The following FLRT1 variants were observed in gnomAD, a reference collection of about 807,000 sequenced individuals.
FLRT1 encodes fibronectin leucine rich transmembrane protein 1.
In FLRT1, 14 loss-of-function variants were observed where a neutral mutation model predicts 30.9. That is an observed-to-expected ratio of 0.45 (90% CI 0.30 to 0.71). The LOEUF (loss-of-function observed/expected upper bound fraction) is 0.71. FLRT1 is among the 30% of genes least tolerant of loss of function. The pLI is 0.08. For synonymous variants in FLRT1, 368 were observed against 430.4 expected (o/e 0.85, Z 1.80); for missense variants, 737 against 949.2 (o/e 0.78, Z 2.94).
rs1353671462 is a variant in FLRT1, at chr11:64,117,052, C to T, written c.785C>T (p.Ala262Val). ...ELSLVRNSLA[A>V]PPLNLPSAHL... ...TCGCTGGTGCGCAATTCGCTGGCCG[C>T]GCCACCCCTCAACCTGCCCAGCGCC... The change falls in exon 3 of 3, where the codon GCG (alanine) becomes GTG (valine). Residue 262 changes from alanine to valine, a missense_variant. Physicochemically the swap from Ala to Val is moderately conservative, Grantham distance 64. Coordinates refer to ENST00000682287, the MANE Select transcript of FLRT1 (RefSeq NM_013280.5). 3.7e-6 allele frequency: 6 copies of T among 1,604,884 alleles called. No individual in the cohort carries two copies. Among genetic ancestry groups the T allele is most frequent in the South Asian group, 1.1e-5 (1 of 89,924 alleles).
intron 1 of FLRT1, among the ~76,000 whole-genome samples, chr11:64,084,280 C>A (rs1337692870): frequency 1.3e-5 from 2 of 152,166 alleles, no homozygotes; most frequent in Admixed American, 1.3e-4. Flanking sequence ...ATGCCTGGAT[C>A]CTGGCCAGAG....
At chr11:64,089,299 T>C (rs1944449400) in intron 1 of FLRT1, among the ~76,000 whole-genome samples, 1 of 151,826 alleles carries the variant, frequency 6.6e-6, no homozygotes, top group African/African-American at 2.4e-5. Flanking sequence ...GAGACCGGGG[T>C]AGGGCAGCCA....
intron 1 of FLRT1, among the ~76,000 whole-genome samples, chr11:64,079,056 G>A (rs1244709936): frequency 6.6e-6 from 1 of 151,148 alleles, no homozygotes; most frequent in East Asian, 2.0e-4. Context: ...CCGCTGTGCG[G>A]ACAGACCGGG....
chr11:64,117,324 C>T lies in FLRT1; in HGVS notation c.1057C>T (p.Arg353Trp), dbSNP rs144673578. ...GGCACGGGCGGCCGTGGTCAACGTGCGGGGCCTCATGTGCCAGGGCCCTGA... is the reference window on the plus strand; with the variant it reads ...GGCACGGGCGGCCGTGGTCAACGTGTGGGGCCTCATGTGCCAGGGCCCTGA... ...VKARAAVVNV[R>W]GLMCQGPEKV... The change falls in exon 3 of 3, where the codon CGG becomes TGG. Residue 353 changes from arginine (R) to tryptophan (W), a missense_variant. Physicochemically the swap from Arg to Trp is moderately radical, Grantham distance 101. Transcript: ENST00000682287. The T allele has an allele frequency of 9.0e-5, 146 of 1,613,968 alleles. No individual in the cohort carries two copies. Among genetic ancestry groups the T allele is most frequent in the South Asian group, 4.4e-4 (40 of 91,086 alleles).
In FLRT1 at chr11:64,061,379, A is replaced by G. The variant is rs536977712; in HGVS notation, c.-1038+25220A>G. On this transcript the variant is annotated intron_variant, in intron 1 of 2. Transcript: ENST00000682287. The stretch of plus-strand genomic sequence containing the variant: ...AGGTGAGGGCCCTCTGCTAGGCAAG[A>G]GGAATGGGCTTGGCCCGCCCAGACC... Among the ~76,000 whole-genome samples, 10 of 152,248 alleles carry G rather than the reference A, an allele frequency of 6.6e-5. No individual in the cohort carries two copies. The East Asian group carries it at 7.8e-4, about 12-fold the overall frequency.
Position 64,036,009 on chromosome 11 carries a change from C to G in FLRT1, c.-1188C>G, listed in dbSNP as rs1037063016. ...GCGCCCCCCGCTCCGGGCCCGCCACCGTGCTCTGCCGCGCGCCGGGGGCTC... is the reference window on the plus strand; with the variant it reads ...GCGCCCCCCGCTCCGGGCCCGCCACGGTGCTCTGCCGCGCGCCGGGGGCTC... On this transcript the variant is annotated 5_prime_UTR_variant, in exon 1 of 3. Coordinates refer to ENST00000682287, the MANE Select transcript of FLRT1 (RefSeq NM_013280.5). The surrounding 1 kb of genome is among the most constrained non-coding windows in gnomAD (Gnocchi z 5.6). The G allele has an allele frequency of 1.3e-4, 19 of 150,988 alleles. No individual in the cohort carries two copies. The highest frequency in any genetic ancestry group is 7.9e-4 in the Admixed American group (12 of 15,138). 9.4% of individuals were successfully genotyped at this position (150,988 alleles called of 1,614,324 possible).
chr11:64,061,042 G>A (rs1296953745), intron 1 of FLRT1, among the ~76,000 whole-genome samples: 1 of 152,110 alleles, frequency 6.6e-6, no homozygotes, highest in Non-Finnish European at 1.5e-5. Flanking sequence ...CTCCTCCCTT[G>A]TCTTGATGGA....
rs139840347 is a variant in FLRT1, at chr11:64,096,888, G to A, written c.-1037-6306G>A. Among the ~76,000 whole-genome samples the A allele has an allele frequency of 0.01, 1,585 of 152,334 alleles. 11 individuals are homozygous for A. The highest frequency in any genetic ancestry group is 0.017 in the Non-Finnish European group (1,142 of 68,028). On this transcript the variant is annotated intron_variant, in intron 1 of 2. Coordinates refer to ENST00000682287, the MANE Select transcript of FLRT1 (RefSeq NM_013280.5). This position sits in a 1 kb window ranked among gnomAD's most constrained non-coding sequence, Gnocchi z 4.6. The stretch of plus-strand genomic sequence containing the variant: ...GCCTCCCCCGGCAGAGCTGAGAGCC[G>A]ATGCCTGTCCCTCCGTGAGCTGGGT...
At chr11:64,085,635 T>A (rs1015610481) in intron 1 of FLRT1, among the ~76,000 whole-genome samples, 1 of 152,212 alleles carries the variant, frequency 6.6e-6, no homozygotes, top group Non-Finnish European at 1.5e-5. Flanking sequence ...CTGCCCCACA[T>A]GGCTGTGGGG....
intron 1 of FLRT1, among the ~76,000 whole-genome samples, chr11:64,047,872 G>T (rs1305695890): frequency 6.6e-6 from 1 of 150,758 alleles, no homozygotes; most frequent in Non-Finnish European, 1.5e-5. Flanking sequence ...ACTCCAGCCT[G>T]GGTGACAAGA....
intron 1 of FLRT1, among the ~76,000 whole-genome samples, chr11:64,061,873 CTTTTT>C (rs57666180): frequency 2.0e-5 from 2 of 99,118 alleles, no homozygotes; most frequent in Non-Finnish European, 3.8e-5. Context: ...ACCACGCTGG[CTTTTT>C]TTTTTTTTTT....
At chr11:64,059,124 G>GC (rs1481220377) in intron 1 of FLRT1, among the ~76,000 whole-genome samples, 1 of 152,200 alleles carries the variant, frequency 6.6e-6, no homozygotes, top group East Asian at 1.9e-4. Flanking sequence ...GGACGGAACA[G>GC]CCCCTGGTCC....
In FLRT1 at chr11:64,046,574, G is replaced by A. The variant is rs144296638; in HGVS notation, c.-1038+10415G>A. Reference sequence around the variant, plus strand: ...CCCGTTCTTTTTTTCTTTTTGAGACGGAGTTTTGTTCTCGTCGCTCAGGCT... The same window carrying A: ...CCCGTTCTTTTTTTCTTTTTGAGACAGAGTTTTGTTCTCGTCGCTCAGGCT... On this transcript the variant is annotated intron_variant, in intron 1 of 2. Coordinates refer to ENST00000682287, the MANE Select transcript of FLRT1 (RefSeq NM_013280.5). Among the ~76,000 whole-genome samples the A allele has an allele frequency of 8.5e-5, 13 of 152,160 alleles. No individual in the cohort carries two copies. In the East Asian group the frequency reaches 2.5e-3, roughly 29 times the overall value.
At chr11:64,047,605 A>T (rs770221285) in intron 1 of FLRT1, among the ~76,000 whole-genome samples, 1 of 152,034 alleles carries the variant, frequency 6.6e-6, no homozygotes, top group Non-Finnish European at 1.5e-5. Flanking sequence ...AGGTTAATAG[A>T]GGGAAGGAAG....
At position 64,044,085 on chromosome 11, in the gene FLRT1, C is replaced by T. The variant is rs928149696; in HGVS notation, c.-1038+7926C>T. Among the ~76,000 whole-genome samples the T allele has an allele frequency of 2.6e-5, 4 of 151,432 alleles. No individual in the cohort carries two copies. The South Asian group carries it at 6.3e-4, about 24-fold the overall frequency. Reference sequence around the variant, plus strand: ...CCCACTTCGGCCTCCCAAAGTGCTGCGGTTACAGGTGTGAGCCACTGTGCC... The same window carrying T: ...CCCACTTCGGCCTCCCAAAGTGCTGTGGTTACAGGTGTGAGCCACTGTGCC... On this transcript the variant is annotated intron_variant, in intron 1 of 2. Coordinates refer to ENST00000682287, the MANE Select transcript of FLRT1 (RefSeq NM_013280.5).
At chr11:64,042,561 C>T (rs1943508205) in intron 1 of FLRT1, among the ~76,000 whole-genome samples, 1 of 152,152 alleles carries the variant, frequency 6.6e-6, no homozygotes, top group South Asian at 2.1e-4. Flanking sequence ...AGGGCCACCC[C>T]CTTGGCTAGC....
chr11:64,057,312 G>A lies in FLRT1; in HGVS notation c.-1038+21153G>A, dbSNP rs186139691. 1.6e-4 allele frequency among the ~76,000 whole-genome samples: 25 copies of A among 152,318 alleles called. No individual in the cohort carries two copies. In the East Asian group the frequency reaches 3.5e-3, roughly 21 times the overall value. On this transcript the variant is annotated intron_variant, in intron 1 of 2. Coordinates refer to ENST00000682287, the MANE Select transcript of FLRT1 (RefSeq NM_013280.5). Reference sequence around the variant, plus strand: ...CAGGTGGGGTCCCTCTGCTCAGGCCGCAGGGACCCCTCATCCACCCTGTAT... The same window carrying A: ...CAGGTGGGGTCCCTCTGCTCAGGCCACAGGGACCCCTCATCCACCCTGTAT...
rs935008018 is a variant in FLRT1, at chr11:64,085,765, G to C, written c.-1037-17429G>C. ...GTCCATTGGGGGCCTGCTTCTCCCA[G>C]CAACCTTAACTTCTCAGGCCTCAGT... is the stretch of plus-strand genomic sequence containing the variant. On this transcript the variant is annotated intron_variant, in intron 1 of 2. Coordinates refer to ENST00000682287, the MANE Select transcript of FLRT1 (RefSeq NM_013280.5). Among the ~76,000 whole-genome samples the C allele has an allele frequency of 3.9e-5, 6 of 152,206 alleles. No individual in the cohort carries two copies. The East Asian group carries it at 9.6e-4, about 24-fold the overall frequency.
At chr11:64,091,588 T>C (rs554260995) in intron 1 of FLRT1, among the ~76,000 whole-genome samples, 1 of 152,042 alleles carries the variant, frequency 6.6e-6, no homozygotes, top group African/African-American at 2.4e-5. Flanking sequence ...CAGCACCTCC[T>C]GGAGTCCTTG....
Sources: gnomAD v4.1 joint callset for allele counts (sites outside exome capture counted in the v4.1 genomes callset) on GRCh38, gnomAD v4.1.1 for gene constraint, Gnocchi (gnomAD v3.1) non-coding constraint, MANE v1.5 for transcripts, NCBI Gene and HGNC (gene_info 2026-07-23, HGNC 2026-07-21) for gene names.